DYNLT1: variants seen among roughly 807,000 people sequenced by gnomAD.
The protein encoded by DYNLT1 is T-complex testis-specific protein 1 homolog.
In DYNLT1, 18 loss-of-function variants were observed where a neutral mutation model predicts 19.6. That is an observed-to-expected ratio of 0.92 (90% CI 0.64 to 1.36). DYNLT1 has a LOEUF of 1.36. DYNLT1 is among the 40% of genes most tolerant of loss of function. DYNLT1 has a pLI of 0.00. For synonymous variants in DYNLT1, 56 were observed against 44.0 expected (o/e 1.27, Z -1.07); for missense variants, 137 against 139.3 (o/e 0.98, Z 0.08).
rs1787129881 is a variant in DYNLT1, at chr6:158,641,329, A to G, written c.59T>C (p.Ile20Thr). ...CATTTCTCCTCTTACCTCTTTTACA[A>G]TGTTGCTCACTTCATCAACAACAAA... ...TAFVVDEVSN[I>T]VKEAIESAIG... The change falls in exon 2 of 5, where the codon ATT becomes ACT. Residue 20 changes from isoleucine (I) to threonine (T), a missense_variant. By Grantham distance (89) the Ile-to-Thr change is moderately conservative. Transcript: ENST00000367089. 2 of 1,596,064 alleles carry G rather than the reference A, an allele frequency of 1.3e-6. No individual in the cohort carries two copies. Among genetic ancestry groups the G allele is most frequent in the Admixed American group, 3.6e-5 (2 of 55,142 alleles).
In DYNLT1 at chr6:158,636,539, T is replaced by A. The variant is rs115317069; in HGVS notation, c.*288A>T. The stretch of plus-strand genomic sequence containing the variant: ...TGGAAAATTAGTGTATTTGAATCAT[T>A]TCAGAGAGTAGAGCAAGTTTCACAC... On this transcript the variant is annotated 3_prime_UTR_variant, in exon 5 of 5. Transcript: ENST00000367089. 350 of 369,428 alleles carry A rather than the reference T, an allele frequency of 9.5e-4. No homozygotes were observed. Among genetic ancestry groups the A allele is most frequent in the African/African-American group, 6.6e-3 (325 of 49,210 alleles). The allele number at this position is 369,428 out of a possible 1,614,324, so 22.9% of individuals were successfully genotyped here. A position where few individuals can be genotyped will look rare whatever the true frequency, so the allele number is the denominator to read the frequency against.
intron 2 of DYNLT1, 122 bp from the exon 3 acceptor site, chr6:158,638,016 G>T: frequency 6.9e-7 from 1 of 1,459,120 alleles, no homozygotes; most frequent in Non-Finnish European, 9.1e-7. Flanking sequence ...TCATGAGGGT[G>T]CCTTTGCAAA....
In DYNLT1 at chr6:158,636,587, C is replaced by G. The variant is rs1271477086; in HGVS notation, c.*240G>C. On this transcript the variant is annotated 3_prime_UTR_variant, in exon 5 of 5. Transcript: ENST00000367089. ...CACTAGCAGATTTCAGATTTTAGCA[C>G]CTTTGAAATGAAATATTCAGAGTTA... is the stretch of plus-strand genomic sequence containing the variant. The G allele has an allele frequency of 8.7e-6, 4 of 459,320 alleles. No individual in the cohort carries two copies. The highest frequency in any genetic ancestry group is 1.6e-5 in the Non-Finnish European group (4 of 253,072). The allele number at this position is 459,320 out of a possible 1,614,324, so 28.5% of individuals were successfully genotyped here.
In DYNLT1 at chr6:158,637,513, C is replaced by T. The variant is rs556416245; in HGVS notation, c.193+258G>A. ...GAGCCACTGTCAGCTGGGGGCTGTC[C>T]ACACTTCCTCTATGCTTCACTTGTT... On this transcript the variant is annotated intron_variant, in intron 3 of 4. Coordinates refer to ENST00000367089, the MANE Select transcript of DYNLT1 (RefSeq NM_006519.4). 185 of 634,862 alleles carry T rather than the reference C, an allele frequency of 2.9e-4. 1 individual carries two copies. In the African/African-American group the frequency reaches 3.1e-3, roughly 11 times the overall value. The allele number at this position is 634,862 out of a possible 1,614,324, so 39.3% of individuals were successfully genotyped here. A position where few individuals can be genotyped will look rare whatever the true frequency, so the allele number is the denominator to read the frequency against.
intron 3 of DYNLT1, 120 bp from the exon 4 acceptor site, chr6:158,637,325 T>C: frequency 1.2e-6 from 1 of 859,308 alleles, no homozygotes; most frequent in South Asian, 1.7e-5. Context: ...TCGATAAAAA[T>C]TATAGGGACA....
intron 4 of DYNLT1, 28 bp from the exon 5 acceptor site, chr6:158,636,925 C>T (rs753692489): frequency 1.1e-5 from 18 of 1,610,952 alleles, no homozygotes; most frequent in African/African-American, 9.3e-5. Flanking sequence ...GCAGCATTTA[C>T]GGCAGGGAAA....
chr6:158,640,753 G>C (rs986658221), intron 2 of DYNLT1, among the ~76,000 whole-genome samples: 5 of 152,164 alleles, frequency 3.3e-5, no homozygotes, highest in Non-Finnish European at 5.9e-5. Flanking sequence ...CTTCCAGCAG[G>C]ACTGTTTGAT....
At chr6:158,640,184 A>G (rs1156339195) in intron 2 of DYNLT1, among the ~76,000 whole-genome samples, 1 of 152,158 alleles carries the variant, frequency 6.6e-6, no homozygotes, top group Non-Finnish European at 1.5e-5. Context: ...AACCAAACGT[A>G]CAGATCCTGC....
intron 2 of DYNLT1, among the ~76,000 whole-genome samples, chr6:158,640,223 T>C (rs138810809): frequency 1.3e-5 from 2 of 152,330 alleles, no homozygotes; most frequent in African/African-American, 4.8e-5. Context: ...CTCCTGATGC[T>C]GAACAATGTA....
Position 158,636,732 on chromosome 6 carries a change from CAA to C in DYNLT1, c.*93_*94del, listed in dbSNP as rs898552785. 104 of 1,402,846 alleles carry C rather than the reference CAA, an allele frequency of 7.4e-5. No homozygotes were observed. The highest frequency in any genetic ancestry group is 1.7e-4 in the African/African-American group (12 of 69,466). 86.9% of individuals were successfully genotyped at this position (1,402,846 alleles called of 1,614,324 possible). A position where few individuals can be genotyped will look rare whatever the true frequency, so the allele number is the denominator to read the frequency against. ...TCTACATTGTGAAAGTGCCACAAAA[CAA>C]AGAGAATGAGAAAAGAGTTCACTGA... On this transcript the variant is annotated 3_prime_UTR_variant, in exon 5 of 5. Transcript: ENST00000367089.
chr6:158,639,011 C>A (rs1165523314), intron 2 of DYNLT1, among the ~76,000 whole-genome samples: 1 of 152,100 alleles, frequency 6.6e-6, no homozygotes, highest in Non-Finnish European at 1.5e-5. Context: ...ACAGTTATGA[C>A]CTAAAGTGAA....
At position 158,637,915 on chromosome 6, in the gene DYNLT1, C is replaced by T. The variant is rs746850467; in HGVS notation, c.70-21G>A. The T allele has an allele frequency of 8.8e-6, 14 of 1,599,052 alleles. 1 individual carries two copies. Among genetic ancestry groups the T allele is most frequent in the Middle Eastern group, 1.7e-4 (1 of 6,058 alleles). ...ATAGCCTAGAAAACAAAGCACAAAG[C>T]GCGTCCCGGTTAACCAAATGCACCC... On this transcript the variant is annotated intron_variant, in intron 2 of 4. Transcript: ENST00000367089.
At position 158,644,716 on chromosome 6, in the gene DYNLT1, C is replaced by G; in HGVS notation, c.-8G>C. The G allele has an allele frequency of 1.2e-6, 2 of 1,611,398 alleles. No homozygotes were observed. The highest frequency in any genetic ancestry group is 1.7e-6 in the Non-Finnish European group (2 of 1,179,682). ...AGCCTGGTAGTCTTCCATCTTTCCT[C>G]CGGCGCGTCCCCTCCGGCTCCCTGA... On this transcript the variant is annotated 5_prime_UTR_variant, in exon 1 of 5. Coordinates refer to ENST00000367089, the MANE Select transcript of DYNLT1 (RefSeq NM_006519.4).
intron 1 of DYNLT1, 36 bp downstream of exon 1, chr6:158,644,646 A>G (rs1357065881): frequency 1.2e-6 from 2 of 1,610,842 alleles, no homozygotes; most frequent in Non-Finnish European, 1.7e-6. Flanking sequence ...CCAGGGCTCT[A>G]GGCCTCCACC....
At chr6:158,643,282 T>A (rs1787194430) in intron 1 of DYNLT1, among the ~76,000 whole-genome samples, 1 of 152,238 alleles carries the variant, frequency 6.6e-6, no homozygotes, top group South Asian at 2.1e-4. Flanking sequence ...AAAGGCTTTT[T>A]TCTTTGCCAA....
intron 1 of DYNLT1, among the ~76,000 whole-genome samples, chr6:158,644,276 G>T (rs1414817424): frequency 6.6e-6 from 1 of 151,800 alleles, no homozygotes; most frequent in African/African-American, 2.4e-5. Context: ...CAGCCCGGCC[G>T]CCGCGCCCCG....
chr6:158,641,172 C>A, intron 2 of DYNLT1, 147 bp downstream of exon 2: 1 of 614,700 alleles, frequency 1.6e-6, no homozygotes, highest in Non-Finnish European at 2.7e-6. Context: ...CAACTCTTAT[C>A]TAGCTATTTA....
rs1375684945 is a variant in DYNLT1 at position 158,641,318 on chromosome 6, CCT to C, written c.68_69del (p.Glu23GlyfsTer9). ...VVDEVSNIVKEAIESAIGGNA... is the reference protein window; with the variant it reads ...VVDEVSNIVKXAIESAIGGNA... ...TAAGAAGTGAGCATTTCTCCTCTTA[CCT>C]CTTTTACAATGTTGCTCACTTCATC... On this transcript the variant is annotated frameshift_variant and splice_region_variant, in exon 2 of 5. Coordinates refer to ENST00000367089, the MANE Select transcript of DYNLT1 (RefSeq NM_006519.4). LOFTEE classifies it high-confidence loss of function. 6.3e-7 allele frequency: 1 copy of C among 1,593,182 alleles called. No individual in the cohort carries two copies. The highest frequency in any genetic ancestry group is 8.5e-7 in the Non-Finnish European group (1 of 1,173,048).
chr6:158,640,176 C>A (rs1189593363), intron 2 of DYNLT1, among the ~76,000 whole-genome samples: 1 of 152,098 alleles, frequency 6.6e-6, no homozygotes, highest in Admixed American at 6.5e-5. Context: ...ACCATGAAAA[C>A]CAAACGTACA....
Sources: allele counts gnomAD v4.1 joint callset (sites outside exome capture counted in the v4.1 genomes callset), GRCh38; gene constraint gnomAD v4.1.1; transcripts MANE v1.5; gene names NCBI Gene and HGNC (gene_info 2026-07-23, HGNC 2026-07-21).